Variants in SCN2A observed in about 807,000 individuals in gnomAD.
SCN2A encodes the protein sodium voltage-gated channel alpha subunit 2.
Under a neutral mutation model 188.7 loss-of-function variants are expected in SCN2A, and 20 were observed. That is an observed-to-expected ratio of 0.11 (90% confidence interval 0.07 to 0.15). The LOEUF is 0.15. SCN2A is among the 10% of genes least tolerant of loss of function. The pLI, the probability that SCN2A is intolerant of heterozygous loss-of-function variation, is 1.00. For missense variants in SCN2A, 1,278 were observed against 2,445.0 expected (o/e 0.52, Z 10.07); for synonymous variants, 804 against 833.1 (o/e 0.97, Z 0.60).
At chr2:165,355,791 G>A (rs1021734737) in intron 17 of SCN2A, among the ~76,000 whole-genome samples, 3 of 152,084 alleles carry the variant, frequency 2.0e-5, no homozygotes, top group African/African-American at 7.2e-5. Context: ...GAGGTCAGGA[G>A]TTCGAGACCA....
chr2:165,287,846 T>C (rs1420066736), intron 1 of SCN2A, among the ~76,000 whole-genome samples: 1 of 152,224 alleles, frequency 6.6e-6, no homozygotes, highest in Non-Finnish European at 1.5e-5. Context: ...TGGTTACCTC[T>C]GCAAAGCTGG....
rs771043331 is a variant in SCN2A at position 165,323,122 on chromosome 2, A to G, written c.1672-34A>G. 6 of 1,581,008 alleles carry G rather than the reference A, an allele frequency of 3.8e-6. No homozygotes were observed. The African/African-American group carries it at 6.8e-5, about 18-fold the overall frequency. ...AGAATGCCAGCTCTTAACTCTCTTCATCTCATTTTTGTTTCTTCTCTTGTT... is the reference window on the plus strand; with the variant it reads ...AGAATGCCAGCTCTTAACTCTCTTCGTCTCATTTTTGTTTCTTCTCTTGTT... On this transcript the variant is annotated intron_variant, in intron 11 of 26. Transcript: ENST00000375437.
intron 17 of SCN2A, among the ~76,000 whole-genome samples, chr2:165,360,726 T>A (rs1178872896): frequency 2.0e-5 from 3 of 151,972 alleles, no homozygotes; most frequent in Non-Finnish European, 4.4e-5. Flanking sequence ...AGTTTCCTGA[T>A]AAATAAGTAC....
Position 165,350,464 on chromosome 2 carries a change from CTTTTTTTTTTTTTT to C in SCN2A, c.2920-3715_2920-3702del, listed in dbSNP as rs71028479. 1.4e-4 allele frequency among the ~76,000 whole-genome samples: 10 copies of C among 73,840 alleles called. No homozygotes were observed. The East Asian group carries it at 2.9e-3, about 21-fold the overall frequency. 48.4% of individuals were successfully genotyped at this position (73,840 alleles called of 152,430 possible). A position where few individuals can be genotyped will look rare whatever the true frequency, so the allele number is the denominator to read the frequency against. On this transcript the variant is annotated intron_variant, in intron 16 of 26. Coordinates refer to ENST00000375437, the MANE Select transcript of SCN2A (RefSeq NM_001040142.2). The stretch of plus-strand genomic sequence containing the variant: ...GTGAGCTTGCTGAACTGTTTTCTTT[CTTTTTTTTTTTTTT>C]TTTTTTTTTTTTGAGACGGAGTCTC...
chr2:165,267,361 C>A (rs1694914391), intron 1 of SCN2A: 1 of 151,924 alleles, frequency 6.6e-6, no homozygotes, highest in East Asian at 1.9e-4. Context: ...GTCAATAAAT[C>A]TTTGACAAAA....
intron 1 of SCN2A, among the ~76,000 whole-genome samples, chr2:165,284,541 A>G (rs1271343047): frequency 6.6e-6 from 1 of 152,196 alleles, no homozygotes; most frequent in Non-Finnish European, 1.5e-5. Flanking sequence ...ATGCCCAGAC[A>G]TTCAGATCTA....
intron 1 of SCN2A, among the ~76,000 whole-genome samples, chr2:165,246,106 T>G (rs6709306): frequency 0.37 from 56,114 of 152,034 alleles, 10,666 homozygotes; most frequent in African/African-American, 0.46. Flanking sequence ...CACAGCATCA[T>G]AAATCTATTC....
At chr2:165,255,993 C>CTCTTT (rs1234844928) in intron 1 of SCN2A, among the ~76,000 whole-genome samples, 10 of 94,878 alleles carry the variant, frequency 1.1e-4, no homozygotes, top group South Asian at 3.5e-4. Context: ...TCATTTGGGG[C>CTCTTT]TCTTTTCTTT....
At chr2:165,318,850 A>T (rs1056606777) in intron 11 of SCN2A, among the ~76,000 whole-genome samples, 16 of 152,210 alleles carry the variant, frequency 1.1e-4, no homozygotes, top group African/African-American at 3.6e-4. Flanking sequence ...GCTAATTCGA[A>T]GTCCCTTGTT....
chr2:165,386,665 G>A, intron 25 of SCN2A, 81 bp from the exon 26 acceptor site: 3 of 1,368,740 alleles, frequency 2.2e-6, no homozygotes, highest in South Asian at 1.3e-5. Context: ...TACATTTTTT[G>A]TTGCTTTCTT....
At chr2:165,369,377 G>A (rs1281147911) in intron 19 of SCN2A, among the ~76,000 whole-genome samples, 1 of 152,142 alleles carries the variant, frequency 6.6e-6, no homozygotes, top group Non-Finnish European at 1.5e-5. Flanking sequence ...TGGCTCCTCA[G>A]GGGTTTACAG....
rs1425252443 is a variant in SCN2A at position 165,326,109 on chromosome 2, C to T, written c.2017-743C>T. The stretch of plus-strand genomic sequence containing the variant: ...ATAATTGACATCATTGTTTGATCTC[C>T]TGAAGTAGGAATAAATTTCCACCCA... On this transcript the variant is annotated intron_variant, in intron 12 of 26. Coordinates refer to ENST00000375437, the MANE Select transcript of SCN2A (RefSeq NM_001040142.2). Among the ~76,000 whole-genome samples the T allele has an allele frequency of 2.0e-5, 3 of 151,804 alleles. No homozygotes were observed. In the East Asian group the frequency reaches 5.8e-4, roughly 29 times the overall value.
chr2:165,278,597 A>G (rs1022188497), intron 1 of SCN2A, among the ~76,000 whole-genome samples: 55 of 152,234 alleles, frequency 3.6e-4, no homozygotes, highest in African/African-American at 1.3e-3. Context: ...TTGGGTGGGG[A>G]CACAAAGCCT....
At chr2:165,370,018 T>G in intron 19 of SCN2A, 108 bp from the exon 20 acceptor site, 1 of 928,292 alleles carries the variant, frequency 1.1e-6, no homozygotes, top group Non-Finnish European at 1.7e-6. Flanking sequence ...CATTAAACCT[T>G]CCAGCCTTAG....
At chr2:165,366,399 T>C (rs1200833064) in intron 18 of SCN2A, among the ~76,000 whole-genome samples, 1 of 152,170 alleles carries the variant, frequency 6.6e-6, no homozygotes, top group African/African-American at 2.4e-5. Flanking sequence ...TGGATTGTTA[T>C]TGATAATGGC....
intron 11 of SCN2A, among the ~76,000 whole-genome samples, chr2:165,320,925 T>G (rs1698044666): frequency 6.6e-6 from 1 of 152,226 alleles, no homozygotes; most frequent in African/African-American, 2.4e-5. Flanking sequence ...TCATTACTTA[T>G]GCAAATTTCT....
rs200578956 is a variant in SCN2A at position 165,349,576 on chromosome 2, TATTA to T, written c.2920-4612_2920-4609del. Among the ~76,000 whole-genome samples, 89 of 152,062 alleles carry T rather than the reference TATTA, an allele frequency of 5.9e-4. No homozygotes were observed. The East Asian group carries it at 7.7e-3, about 13-fold the overall frequency. ...ATCAAGTACTTATGGTTGACATCAGTATTAATTTAGATTGTGATGTATGCATAAA... is the reference window on the plus strand; with the variant it reads ...ATCAAGTACTTATGGTTGACATCAGTATTTAGATTGTGATGTATGCATAAA... On this transcript the variant is annotated intron_variant, in intron 16 of 26. Coordinates refer to ENST00000375437, the MANE Select transcript of SCN2A (RefSeq NM_001040142.2).
chr2:165,304,792 T>C (rs1395968104), intron 3 of SCN2A, among the ~76,000 whole-genome samples: 1 of 152,106 alleles, frequency 6.6e-6, no homozygotes, highest in Non-Finnish European at 1.5e-5. Flanking sequence ...GATAATGCAA[T>C]GAAGAGAAAA....
intron 17 of SCN2A, among the ~76,000 whole-genome samples, chr2:165,356,139 T>C (rs889741780): frequency 3.9e-5 from 6 of 152,168 alleles, no homozygotes; most frequent in Admixed American, 1.3e-4. Context: ...TAGAAGTAGA[T>C]GTTTAATGGG....
Sources: allele counts gnomAD v4.1 joint callset (sites outside exome capture counted in the v4.1 genomes callset), GRCh38; gene constraint gnomAD v4.1.1; transcripts MANE v1.5; gene names NCBI Gene and HGNC (gene_info 2026-07-23, HGNC 2026-07-21).